Variants in KYNU observed in about 807,000 individuals in gnomAD.
KYNU encodes kynureninase, also known as L-kynurenine hydrolase.
A neutral mutation model predicts 59.2 loss-of-function variants in KYNU; 54 were observed. The observed-to-expected ratio is 0.91, with a 90% CI of 0.73 to 1.14. The LOEUF (loss-of-function observed/expected upper bound fraction) is 1.14. Among genes scored for constraint, KYNU ranks in the 50% most tolerant of loss-of-function variants. The pLI is 0.00. For missense variants in KYNU, 567 were observed against 554.4 expected, an observed-to-expected ratio of 1.02 and a Z score of -0.23; for synonymous variants, 177 against 192.0, an observed-to-expected ratio of 0.92 and a Z score of 0.65.
rs948559474 is a variant in KYNU, at chr2:143,053,888, C to T, written c.*11716C>T. The T allele has an allele frequency of 1.3e-5, 2 of 152,320 alleles. No homozygotes were observed. Among genetic ancestry groups the T allele is most frequent in the Non-Finnish European group, 1.5e-5 (1 of 68,060 alleles). 9.4% of individuals were successfully genotyped at this position (152,320 alleles called of 1,614,324 possible). On this transcript the variant is annotated 3_prime_UTR_variant, in exon 14 of 14. Transcript: ENST00000264170. ...TTGGAAGTGGGGTTGTGGGGGCAGT[C>T]TTGTGGAACTGAGCCCTTAACCTGT...
At chr2:142,989,634 T>C in intron 10 of KYNU, 1 of 352,250 alleles carries the variant, frequency 2.8e-6, no homozygotes, top group Non-Finnish European at 4.0e-6. Flanking sequence ...TTTGACTATA[T>C]GTTGATAGTG....
At chr2:143,017,757 A>G (rs570783293) in intron 10 of KYNU, among the ~76,000 whole-genome samples, 2 of 151,720 alleles carry the variant, frequency 1.3e-5, no homozygotes, top group African/African-American at 2.4e-5. Flanking sequence ...ACCTTTTCAT[A>G]GTAGCCATCC....
chr2:143,006,240 C>T (rs1685885682), intron 10 of KYNU, among the ~76,000 whole-genome samples: 2 of 151,824 alleles, frequency 1.3e-5, no homozygotes, highest in South Asian at 2.1e-4. Context: ...ATTGCCTCAC[C>T]TGGGAAGCGC....
chr2:142,900,732 G>T (rs1314002511), intron 2 of KYNU, among the ~76,000 whole-genome samples: 1 of 152,136 alleles, frequency 6.6e-6, no homozygotes, highest in African/African-American at 2.4e-5. Flanking sequence ...GAGATTGGCC[G>T]ATGATTGCTC....
rs986234871 is a variant in KYNU, at chr2:143,053,543, G to A, written c.*11371G>A. ...TTTCTATGTGTTTGGAGAGGTACCCGGTGGGAGGTAATTGAATCATGAGGG... is the reference window on the plus strand; with the variant it reads ...TTTCTATGTGTTTGGAGAGGTACCCAGTGGGAGGTAATTGAATCATGAGGG... On this transcript the variant is annotated 3_prime_UTR_variant, in exon 14 of 14. Transcript: ENST00000264170. The A allele has an allele frequency of 5.9e-5, 9 of 152,176 alleles. No individual in the cohort carries two copies. The highest frequency in any genetic ancestry group is 2.1e-4 in the South Asian group (1 of 4,824). The allele number at this position is 152,176 out of a possible 1,614,324, so 9.4% of individuals were successfully genotyped here.
chr2:142,940,837 C>T lies in KYNU; in HGVS notation c.373+13096C>T, dbSNP rs567490247. On this transcript the variant is annotated intron_variant, in intron 4 of 13. Transcript: ENST00000264170. ...CCAGCTGTAAATTCAGGGATTTCCA[C>T]AGTGCCCTTTGCAGGCTCCATAATT... is the stretch of plus-strand genomic sequence containing the variant. Among the ~76,000 whole-genome samples, 39 of 152,194 alleles carry T rather than the reference C, an allele frequency of 2.6e-4. 1 individual carries two copies. The highest frequency in any genetic ancestry group is 4.3e-4 in the Non-Finnish European group (29 of 68,038).
chr2:142,985,176 C>T lies in KYNU; in HGVS notation c.822C>T (p.Ser274=), dbSNP rs1421959743. ...GAGTTGATTTTGCCTGCTGGTGTTCCTACAAGGTACAAACGAGTTAATACA... is the reference window on the plus strand; with the variant it reads ...GAGTTGATTTTGCCTGCTGGTGTTCTTACAAGGTACAAACGAGTTAATACA... ...DWGVDFACWC[S]YKYLNAGAGG... The change falls in exon 9 of 14, where the codon TCC becomes TCT. Residue 274 remains serine, a synonymous_variant. Coordinates refer to ENST00000264170, the MANE Select transcript of KYNU (RefSeq NM_003937.3). The T allele has an allele frequency of 1.3e-6, 2 of 1,581,936 alleles. No individual in the cohort carries two copies. The highest frequency in any genetic ancestry group is 2.2e-5 in the East Asian group (1 of 44,662).
intron 11 of KYNU, among the ~76,000 whole-genome samples, chr2:143,030,575 A>G (rs1686709626): frequency 6.6e-6 from 1 of 152,142 alleles, no homozygotes; most frequent in Non-Finnish European, 1.5e-5. Flanking sequence ...TCCTGGCTCA[A>G]GCAATCTTCT....
intron 10 of KYNU, among the ~76,000 whole-genome samples, chr2:143,012,490 CAAAAA>C (rs1255670962): frequency 1.3e-5 from 1 of 79,928 alleles, no homozygotes; most frequent in Admixed American, 1.4e-4. Flanking sequence ...CTCCAAAAAA[CAAAAA>C]AAAAAAAAAA....
At chr2:142,901,837 A>G (rs1363774132) in intron 2 of KYNU, among the ~76,000 whole-genome samples, 1 of 152,174 alleles carries the variant, frequency 6.6e-6, no homozygotes, top group Non-Finnish European at 1.5e-5. Context: ...TTTTTTACAA[A>G]GGAATTTTCA....
chr2:143,021,188 T>A lies in KYNU; in HGVS notation c.903-8439T>A, dbSNP rs999556554. 2.6e-5 allele frequency among the ~76,000 whole-genome samples: 4 copies of A among 152,292 alleles called. No individual in the cohort carries two copies. The East Asian group carries it at 7.7e-4, about 29-fold the overall frequency. On this transcript the variant is annotated intron_variant, in intron 10 of 13. Coordinates refer to ENST00000264170, the MANE Select transcript of KYNU (RefSeq NM_003937.3). ...TTGTACTAGAAAGATTAACCCTTTT[T>A]AATATGAGCTGCAGAGGATTTTTAA...
At chr2:142,957,136 C>T (rs1684191668) in intron 6 of KYNU, among the ~76,000 whole-genome samples, 1 of 151,852 alleles carries the variant, frequency 6.6e-6, no homozygotes, top group African/African-American at 2.4e-5. Context: ...GGAATAAAAC[C>T]CTAATATCTT....
At chr2:143,024,583 G>T (rs1333888706) in intron 10 of KYNU, among the ~76,000 whole-genome samples, 1 of 151,576 alleles carries the variant, frequency 6.6e-6, no homozygotes, top group African/African-American at 2.4e-5. Context: ...CTCTGTCATT[G>T]AATGGTTGCA....
chr2:142,987,899 A>G (rs1049351049), intron 10 of KYNU, among the ~76,000 whole-genome samples: 30 of 151,906 alleles, frequency 2.0e-4, no homozygotes, highest in African/African-American at 7.0e-4. Context: ...AAAAGTGTGT[A>G]GCACCTTCTC....
In KYNU at chr2:142,951,175, G is replaced by A. The variant is rs562295458; in HGVS notation, c.374-3635G>A. On this transcript the variant is annotated intron_variant, in intron 4 of 13. Transcript: ENST00000264170. ...AAAATGTGATACAGAGACATGAGGT[G>A]AGCACATTCTTTTGGAAAAATGGCA... Among the ~76,000 whole-genome samples, 128 of 152,312 alleles carry A rather than the reference G, an allele frequency of 8.4e-4. 3 individuals are homozygous for A. The South Asian group carries it at 0.026, about 31-fold the overall frequency.
At chr2:142,962,742 G>C (rs569129214) in intron 8 of KYNU, among the ~76,000 whole-genome samples, 9 of 152,316 alleles carry the variant, frequency 5.9e-5, no homozygotes, top group African/African-American at 1.9e-4. Context: ...ATCAAATGGG[G>C]ATATAGCAGA....
chr2:142,962,718 T>C (rs146207070), intron 8 of KYNU, among the ~76,000 whole-genome samples: 36 of 152,282 alleles, frequency 2.4e-4, no homozygotes, highest in African/African-American at 8.2e-4. Flanking sequence ...GAAGAAGCAA[T>C]CAATACTATG....
chr2:142,936,723 C>T (rs1177851544), intron 4 of KYNU, among the ~76,000 whole-genome samples: 2 of 152,100 alleles, frequency 1.3e-5, no homozygotes, highest in African/African-American at 4.8e-5. Flanking sequence ...TGACAGAGCT[C>T]CCAGGAAACT....
At chr2:142,879,341 C>A (rs1681212139) in intron 1 of KYNU, 1 of 152,114 alleles carries the variant, frequency 6.6e-6, no homozygotes, top group Admixed American at 6.6e-5. Context: ...CTCAAGGTAC[C>A]CCAGATGTGA....
Sources: allele counts gnomAD v4.1 joint callset (sites outside exome capture counted in the v4.1 genomes callset), GRCh38; gene constraint gnomAD v4.1.1; transcripts MANE v1.5; gene names NCBI Gene and HGNC (gene_info 2026-07-23, HGNC 2026-07-21).